The following STXBP5 variants were observed in gnomAD, a reference collection of about 807,000 sequenced individuals.
STXBP5 encodes the protein syntaxin binding protein 5, also known as syntaxin-binding protein 5.
Under a neutral mutation model 152.4 loss-of-function variants are expected in STXBP5, and 50 were observed. The ratio of observed to expected loss-of-function variants is 0.33; its 90% CI spans 0.26 to 0.42. The LOEUF (loss-of-function observed/expected upper bound fraction) is 0.42. Ranked by LOEUF, STXBP5 falls within the 10% of genes least tolerant of loss-of-function variation. STXBP5 has a pLI of 1.00. For missense variants in STXBP5, 1,167 were observed against 1,388.6 expected, an observed-to-expected ratio of 0.84 and a Z score of 2.54; for synonymous variants, 492 against 494.7, an observed-to-expected ratio of 0.99 and a Z score of 0.07.
intron 2 of STXBP5, among the ~76,000 whole-genome samples, chr6:147,211,881 C>T (rs545122415): frequency 1.8e-4 from 27 of 152,262 alleles, no homozygotes; most frequent in African/African-American, 6.5e-4. Context: ...TCTTCTCCCT[C>T]CCCATCATTT....
chr6:147,302,204 A>G (rs1781855742), intron 9 of STXBP5, among the ~76,000 whole-genome samples: 1 of 152,110 alleles, frequency 6.6e-6, no homozygotes, highest in Non-Finnish European at 1.5e-5. Context: ...GTTAGCACCT[A>G]CAAAATGATT....
chr6:147,260,092 A>C (rs745406951), intron 4 of STXBP5, among the ~76,000 whole-genome samples: 1 of 152,204 alleles, frequency 6.6e-6, no homozygotes, highest in Non-Finnish European at 1.5e-5. Context: ...ACAATCATAT[A>C]AGGCAAGCCT....
intron 15 of STXBP5, 25 bp from the exon 16 acceptor site, chr6:147,316,204 G>A (rs1782636382): frequency 1.2e-6 from 2 of 1,608,084 alleles, no homozygotes; most frequent in African/African-American, 1.3e-5. Context: ...TTAGGAGTAA[G>A]TAAACTACCT....
At chr6:147,210,030 T>C (rs1303128012) in intron 2 of STXBP5, among the ~76,000 whole-genome samples, 1 of 152,192 alleles carries the variant, frequency 6.6e-6, no homozygotes, top group Non-Finnish European at 1.5e-5. Flanking sequence ...GAAAGCATGA[T>C]TTTTTAGCAT....
At chr6:147,237,967 T>A (rs1227959430) in intron 3 of STXBP5, among the ~76,000 whole-genome samples, 2 of 152,208 alleles carry the variant, frequency 1.3e-5, no homozygotes, top group African/African-American at 2.4e-5. Context: ...TCAGATGTCT[T>A]AATAAATCAG....
chr6:147,250,085 G>A (rs1221248013), intron 4 of STXBP5, among the ~76,000 whole-genome samples: 5 of 152,110 alleles, frequency 3.3e-5, no homozygotes, highest in Non-Finnish European at 7.4e-5. Flanking sequence ...GACAGAGAGA[G>A]TACAAAATAA....
chr6:147,339,447 C>T (rs1162788647), intron 21 of STXBP5, 63 bp downstream of exon 21: 4 of 1,201,344 alleles, frequency 3.3e-6, no homozygotes, highest in Non-Finnish European at 4.5e-6. Context: ...AACCCAACAC[C>T]AGAATTATCC....
chr6:147,208,730 A>G (rs772833360), intron 2 of STXBP5, among the ~76,000 whole-genome samples: 21 of 152,256 alleles, frequency 1.4e-4, no homozygotes, highest in Non-Finnish European at 2.2e-4. Context: ...ATGTAATTTG[A>G]CTGATGAATA....
intron 21 of STXBP5, among the ~76,000 whole-genome samples, chr6:147,344,433 T>C (rs1270098838): frequency 6.6e-6 from 1 of 152,228 alleles, no homozygotes; most frequent in Non-Finnish European, 1.5e-5. Flanking sequence ...TTACTTATTT[T>C]ATTAGTTTGT....
At chr6:147,243,454 A>G (rs1231296862) in intron 4 of STXBP5, among the ~76,000 whole-genome samples, 1 of 152,144 alleles carries the variant, frequency 6.6e-6, no homozygotes, top group Non-Finnish European at 1.5e-5. Context: ...ATAAATTTTA[A>G]TAATTCTTTG....
intron 3 of STXBP5, among the ~76,000 whole-genome samples, chr6:147,236,299 T>C (rs1299815257): frequency 6.6e-6 from 1 of 152,206 alleles, no homozygotes; most frequent in Non-Finnish European, 1.5e-5. Context: ...TATTAGGCAT[T>C]TTAAGATGTT....
chr6:147,245,001 T>G (rs1582834050), intron 4 of STXBP5, among the ~76,000 whole-genome samples: 1 of 147,880 alleles, frequency 6.8e-6, no homozygotes, highest in African/African-American at 2.5e-5. Flanking sequence ...TTTTTTTTTT[T>G]TTTTTTTTTT....
intron 2 of STXBP5, among the ~76,000 whole-genome samples, chr6:147,220,012 A>G (rs1777381451): frequency 1.3e-5 from 2 of 151,714 alleles, no homozygotes; most frequent in South Asian, 4.1e-4. Flanking sequence ...ATATGAATTC[A>G]ATGCTATAAA....
intron 4 of STXBP5, among the ~76,000 whole-genome samples, chr6:147,252,260 G>C (rs2115288250): frequency 6.6e-6 from 1 of 152,186 alleles, no homozygotes; most frequent in East Asian, 1.9e-4. Flanking sequence ...GTTTCAGAAG[G>C]TGGGTAATAA....
At chr6:147,301,524 G>A (rs1418833304) in intron 9 of STXBP5, among the ~76,000 whole-genome samples, 2 of 152,060 alleles carry the variant, frequency 1.3e-5, no homozygotes, top group African/African-American at 4.8e-5. Flanking sequence ...TGGTATGTCA[G>A]TCAAAAAGTT....
intron 21 of STXBP5, among the ~76,000 whole-genome samples, chr6:147,339,652 C>T (rs1212340184): frequency 6.6e-6 from 1 of 151,910 alleles, no homozygotes; most frequent in East Asian, 1.9e-4. Flanking sequence ...AAGCAGGGTT[C>T]AATTTATGCC....
At position 147,239,375 on chromosome 6, in the gene STXBP5, A is replaced by G. The variant is rs1778429459; in HGVS notation, c.431+105A>G. Reference sequence around the variant, plus strand: ...TGTGATGGACCTTATGCACAATCTAAAAACTGATTCAGAAGCTTCAAAGGA... The same window carrying G: ...TGTGATGGACCTTATGCACAATCTAGAAACTGATTCAGAAGCTTCAAAGGA... On this transcript the variant is annotated intron_variant, in intron 4 of 27. Coordinates refer to ENST00000321680, the MANE Select transcript of STXBP5 (RefSeq NM_001127715.4). 6 of 887,548 alleles carry G rather than the reference A, an allele frequency of 6.8e-6. No homozygotes were observed. The South Asian group carries it at 1.1e-4, about 17-fold the overall frequency. 55.0% of individuals were successfully genotyped at this position (887,548 alleles called of 1,614,324 possible).
At chr6:147,231,103 G>T (rs1777983439) in intron 2 of STXBP5, among the ~76,000 whole-genome samples, 1 of 151,704 alleles carries the variant, frequency 6.6e-6, no homozygotes, top group Non-Finnish European at 1.5e-5. Context: ...AAAATAAATA[G>T]ATAAGGTTTT....
At chr6:147,372,961 A>T (rs1435167425) in intron 25 of STXBP5, among the ~76,000 whole-genome samples, 9 of 152,202 alleles carry the variant, frequency 5.9e-5, no homozygotes, top group Non-Finnish European at 1.3e-4. Flanking sequence ...GCATGTGTTT[A>T]TGAGAAAAGA....
Sources: allele counts gnomAD v4.1 joint callset (sites outside exome capture counted in the v4.1 genomes callset), GRCh38; gene constraint gnomAD v4.1.1; transcripts MANE v1.5; gene names NCBI Gene and HGNC (gene_info 2026-07-23, HGNC 2026-07-21).